Variants in L3MBTL4 observed in about 807,000 individuals in gnomAD.
L3MBTL4 encodes the protein L3MBTL histone methyl-lysine binding protein 4, also known as lethal(3)malignant brain tumor-like protein 4.
L3MBTL4 carries 70 observed loss-of-function variants against 84.5 expected under a neutral mutation model. The ratio of observed to expected loss-of-function variants is 0.83; its 90% CI spans 0.68 to 1.01. The LOEUF (loss-of-function observed/expected upper bound fraction) is 1.01, where lower values mean the gene tolerates loss of function less well. Ranked by LOEUF, L3MBTL4 falls within the 50% of genes least tolerant of loss-of-function variation. The pLI, the probability that L3MBTL4 is intolerant of heterozygous loss-of-function variation, is 0.00. For synonymous variants in L3MBTL4, 274 were observed against 259.8 expected, an observed-to-expected ratio of 1.05 and a Z score of -0.52; for missense variants, 715 against 754.8, an observed-to-expected ratio of 0.95 and a Z score of 0.62.
chr18:6,163,245 C>T (rs555345716), intron 13 of L3MBTL4, among the ~76,000 whole-genome samples: 31 of 71,174 alleles, frequency 4.4e-4, no homozygotes, highest in Middle Eastern at 0.017. Flanking sequence ...TGTTTGTCTA[C>T]GGGTGTGTGT....
In L3MBTL4 at chr18:6,037,848, A is replaced by G. The variant is rs559093491; in HGVS notation, c.1444+43033T>C. On this transcript the variant is annotated intron_variant, in intron 16 of 18. Coordinates refer to ENST00000317931, the MANE Select transcript of L3MBTL4 (RefSeq NM_001330559.2). ...TAGGAGAGGCTTAATAATAAATATT[A>G]GGGAATATTTAGATGTTTGGCTAAT... Among the ~76,000 whole-genome samples, 15 of 152,358 alleles carry G rather than the reference A, an allele frequency of 9.8e-5. 1 individual carries two copies. In the South Asian group the frequency reaches 3.1e-3, roughly 32 times the overall value.
Position 6,244,596 on chromosome 18 carries a change from A to T in L3MBTL4, c.220-8T>A. On this transcript the variant is annotated splice_region_variant and splice_polypyrimidine_tract_variant and intron_variant, in intron 5 of 18. Coordinates refer to ENST00000317931, the MANE Select transcript of L3MBTL4 (RefSeq NM_001330559.2). ...CTCTGGAAAGGACTGATCCTACAAA[A>T]TTTCACGACATAACATTAGCCACTG... The T allele has an allele frequency of 1.9e-6, 3 of 1,575,422 alleles. No individual in the cohort carries two copies. The highest frequency in any genetic ancestry group is 2.6e-6 in the Non-Finnish European group (3 of 1,145,202).
intron 13 of L3MBTL4, among the ~76,000 whole-genome samples, chr18:6,146,119 G>C (rs957877368): frequency 3.2e-4 from 48 of 152,218 alleles, no homozygotes; most frequent in African/African-American, 1.1e-3. Flanking sequence ...AGACGGCGTG[G>C]GCCAAAGAGT....
intron 13 of L3MBTL4, among the ~76,000 whole-genome samples, chr18:6,144,394 C>A (rs1939746502): frequency 6.6e-6 from 1 of 152,034 alleles, no homozygotes; most frequent in Non-Finnish European, 1.5e-5. Flanking sequence ...TAGTTCATTG[C>A]AAGTCTTCTA....
intron 12 of L3MBTL4, among the ~76,000 whole-genome samples, chr18:6,205,488 C>T (rs556799118): frequency 1.3e-5 from 2 of 152,216 alleles, no homozygotes; most frequent in East Asian, 3.9e-4. Context: ...TATACATGTG[C>T]CATGGTGGTT....
At chr18:6,375,034 A>T (rs771632053) in intron 1 of L3MBTL4, among the ~76,000 whole-genome samples, 6 of 152,170 alleles carry the variant, frequency 3.9e-5, no homozygotes, top group Non-Finnish European at 7.4e-5. Flanking sequence ...GCTTTGGTGC[A>T]TTGGGAAACT....
In L3MBTL4 at chr18:6,298,538, T is replaced by C. The variant is rs374674804; in HGVS notation, c.127+3365A>G. Reference sequence around the variant, plus strand: ...AATTTAGATATGCATACACCTAATTTTCTTTTACAATTTCTTATACTCCTT... The same window carrying C: ...AATTTAGATATGCATACACCTAATTCTCTTTTACAATTTCTTATACTCCTT... On this transcript the variant is annotated intron_variant, in intron 4 of 18. Coordinates refer to ENST00000317931, the MANE Select transcript of L3MBTL4 (RefSeq NM_001330559.2). Among the ~76,000 whole-genome samples, 7 of 152,328 alleles carry C rather than the reference T, an allele frequency of 4.6e-5. No individual in the cohort carries two copies. The East Asian group carries it at 9.6e-4, about 21-fold the overall frequency.
chr18:6,270,839 G>A (rs1471777530), intron 4 of L3MBTL4, among the ~76,000 whole-genome samples: 2 of 152,196 alleles, frequency 1.3e-5, no homozygotes, highest in East Asian at 1.9e-4. Context: ...TAATCTTATG[G>A]TTTAGAGAAC....
intron 14 of L3MBTL4, among the ~76,000 whole-genome samples, chr18:6,131,817 T>A (rs556100792): frequency 5.3e-5 from 8 of 152,334 alleles, no homozygotes; most frequent in Non-Finnish European, 1.0e-4. Flanking sequence ...ACAACACTTT[T>A]AATCTTTTAG....
In L3MBTL4 at chr18:6,105,505, A is replaced by C. The variant is rs368697365; in HGVS notation, c.1200-11977T>G. 1.2e-3 allele frequency among the ~76,000 whole-genome samples: 179 copies of C among 151,718 alleles called. 1 individual carries two copies. The highest frequency in any genetic ancestry group is 3.1e-3 in the South Asian group (15 of 4,782). On this transcript the variant is annotated intron_variant, in intron 14 of 18. Transcript: ENST00000317931. The stretch of plus-strand genomic sequence containing the variant: ...GCACCCAGCCAATATTTTATAAAAG[A>C]CTATCAGTCTAGGCAGGGCGCAGTG...
Position 5,956,141 on chromosome 18 carries a change from T to TCCGTATC in L3MBTL4, c.*78_*79insGATACGG, listed in dbSNP as rs369336230. 3.6e-4 allele frequency: 432 copies of TCCGTATC among 1,204,208 alleles called. 1 individual carries two copies. The African/African-American group carries it at 4.9e-3, about 14-fold the overall frequency. The allele number at this position is 1,204,208 out of a possible 1,614,324, so 74.6% of individuals were successfully genotyped here. A position where few individuals can be genotyped will look rare whatever the true frequency, so the allele number is the denominator to read the frequency against. On this transcript the variant is annotated 3_prime_UTR_variant, in exon 19 of 19. Coordinates refer to ENST00000317931, the MANE Select transcript of L3MBTL4 (RefSeq NM_001330559.2). ...AGTGTGGATACGGCCATGGGGACAT[T>TCCGTATC]CACATCAAATTAATGTGCTCCACTT...
chr18:6,030,136 C>CATATATATATGT, intron 16 of L3MBTL4: 1 of 798,632 alleles, frequency 1.3e-6, no homozygotes, highest in Non-Finnish European at 1.5e-6. Context: ...TGTGTAAATA[C>CATATATATATGT]ACATACACAC....
intron 4 of L3MBTL4, among the ~76,000 whole-genome samples, chr18:6,295,346 C>CTCTCTCTATATATATATA (rs1261475809): frequency 8.6e-5 from 7 of 81,388 alleles, no homozygotes; most frequent in African/African-American, 4.6e-4. Context: ...CTCTCTCTCT[C>CTCTCTCTATATATATATA]TATATATATA....
chr18:6,111,509 A>T (rs1367313369), intron 14 of L3MBTL4, among the ~76,000 whole-genome samples: 1 of 152,144 alleles, frequency 6.6e-6, no homozygotes, highest in African/African-American at 2.4e-5. Flanking sequence ...TTGCATATTG[A>T]GGTTCCATGG....
In L3MBTL4 at chr18:5,996,554, G is replaced by A. The variant is rs561255536; in HGVS notation, c.1445-26992C>T. ...TAGCAGCTGTGGCTATGGTAGGTGC[G>A]CTCTGGGGTTCTACTCAGTGTGCTT... On this transcript the variant is annotated intron_variant, in intron 16 of 18. Transcript: ENST00000317931. 1.1e-4 allele frequency among the ~76,000 whole-genome samples: 16 copies of A among 152,302 alleles called. No individual in the cohort carries two copies. In the South Asian group the frequency reaches 2.7e-3, roughly 26 times the overall value.
At chr18:5,978,549 T>C (rs2053062922) in intron 16 of L3MBTL4, among the ~76,000 whole-genome samples, 1 of 152,200 alleles carries the variant, frequency 6.6e-6, no homozygotes, top group Non-Finnish European at 1.5e-5. Flanking sequence ...GGAGTGGCTC[T>C]TATTTTGAAG....
chr18:6,160,719 A>G (rs1242570226), intron 13 of L3MBTL4, among the ~76,000 whole-genome samples: 1 of 150,462 alleles, frequency 6.6e-6, no homozygotes, highest in East Asian at 1.9e-4. Flanking sequence ...TGACGAGAAT[A>G]AAGATCCGTC....
chr18:5,992,288 A>G (rs1182678250), intron 16 of L3MBTL4, among the ~76,000 whole-genome samples: 1 of 152,130 alleles, frequency 6.6e-6, no homozygotes, highest in African/African-American at 2.4e-5. Flanking sequence ...GAGGTCTTTC[A>G]GGCAGAGGTA....
intron 4 of L3MBTL4, among the ~76,000 whole-genome samples, chr18:6,295,002 G>A (rs766673344): frequency 1.2e-4 from 19 of 152,046 alleles, no homozygotes; most frequent in Non-Finnish European, 2.1e-4. Context: ...GGCCAGGCAC[G>A]GTGGTTCACG....
Sources: allele counts gnomAD v4.1 joint callset (sites outside exome capture counted in the v4.1 genomes callset), GRCh38; gene constraint gnomAD v4.1.1; transcripts MANE v1.5; gene names NCBI Gene and HGNC (gene_info 2026-07-23, HGNC 2026-07-21).